LRRC8D: variants seen among roughly 807,000 people sequenced by gnomAD.
LRRC8D encodes the protein volume-regulated anion channel subunit LRRC8D.
LRRC8D carries 20 observed loss-of-function variants against 55.8 expected under a neutral mutation model. That is an observed-to-expected ratio of 0.36 (90% confidence interval 0.25 to 0.52). LRRC8D has a LOEUF of 0.52. Ranked by LOEUF, LRRC8D falls within the 20% of genes least tolerant of loss-of-function variation. LRRC8D has a pLI of 0.93. For synonymous variants in LRRC8D, 352 were observed against 377.0 expected, an observed-to-expected ratio of 0.93 and a Z score of 0.77; for missense variants, 651 against 1,030.8, an observed-to-expected ratio of 0.63 and a Z score of 5.05.
intron 2 of LRRC8D, among the ~76,000 whole-genome samples, chr1:89,898,167 T>C (rs1051815475): frequency 2.6e-5 from 4 of 152,166 alleles, no homozygotes; most frequent in African/African-American, 9.7e-5. Context: ...TAAGCAGTCA[T>C]TGGTATACTG....
chr1:89,922,124 G>C (rs544100736), intron 2 of LRRC8D, among the ~76,000 whole-genome samples: 35 of 151,954 alleles, frequency 2.3e-4, no homozygotes, highest in Non-Finnish European at 4.3e-4. Flanking sequence ...GGTGCAGTGG[G>C]GCGATCTTGG....
Position 89,843,411 on chromosome 1 carries a change from G to A in LRRC8D, c.-147-227G>A, listed in dbSNP as rs545333915. 8.3e-5 allele frequency: 28 copies of A among 338,652 alleles called. 1 individual carries two copies. In the South Asian group the frequency reaches 3.5e-3, roughly 42 times the overall value. 21.0% of individuals were successfully genotyped at this position (338,652 alleles called of 1,614,324 possible). A position where few individuals can be genotyped will look rare whatever the true frequency, so the allele number is the denominator to read the frequency against. ...AGCGGGCGGGCGGGTGGCTGGCAGC[G>A]AGGCCACCAGCAGGGGGGGCCCGGG... is the stretch of plus-strand genomic sequence containing the variant. On this transcript the variant is annotated intron_variant, in intron 1 of 2. Coordinates refer to ENST00000337338, the MANE Select transcript of LRRC8D (RefSeq NM_001134479.2).
intron 1 of LRRC8D, among the ~76,000 whole-genome samples, chr1:89,837,698 G>A (rs2154324): frequency 0.93 from 141,502 of 152,282 alleles, 66,611 homozygotes; most frequent in East Asian, 1. Context: ...TTAAACTAGG[G>A]TTAGTTAAAA....
chr1:89,851,420 A>G (rs1371226570), intron 2 of LRRC8D, among the ~76,000 whole-genome samples: 2 of 151,918 alleles, frequency 1.3e-5, no homozygotes, highest in East Asian at 3.9e-4. Flanking sequence ...TCTGCAATTT[A>G]TGTCACACTG....
intron 2 of LRRC8D, among the ~76,000 whole-genome samples, chr1:89,852,664 G>A (rs1661448753): frequency 1.3e-5 from 2 of 152,322 alleles, no homozygotes; most frequent in Middle Eastern, 3.4e-3. Context: ...ATAGAAGGGA[G>A]TGTTTTGTTC....
chr1:89,885,473 A>G (rs1042672564), intron 2 of LRRC8D, among the ~76,000 whole-genome samples: 1 of 152,218 alleles, frequency 6.6e-6, no homozygotes, highest in Non-Finnish European at 1.5e-5. Flanking sequence ...CGCCTTGACA[A>G]TTAATATCCT....
intron 2 of LRRC8D, among the ~76,000 whole-genome samples, chr1:89,862,645 TA>T (rs2100799806): frequency 6.6e-6 from 1 of 152,326 alleles, no homozygotes; most frequent in East Asian, 1.9e-4. Context: ...TGTCAGATGA[TA>T]AAAAGAGGCT....
At chr1:89,897,043 A>T (rs189730810) in intron 2 of LRRC8D, among the ~76,000 whole-genome samples, 380 of 152,330 alleles carry the variant, frequency 2.5e-3, no homozygotes, top group Non-Finnish European at 4.4e-3. Flanking sequence ...AAGTCAGCAG[A>T]GTGTATTAGA....
intron 1 of LRRC8D, among the ~76,000 whole-genome samples, chr1:89,832,914 TTTAC>T (rs1165057701): frequency 6.6e-6 from 1 of 152,204 alleles, no homozygotes; most frequent in Non-Finnish European, 1.5e-5. Context: ...TATTAGCTCA[TTTAC>T]TTCTGACAAC....
intron 2 of LRRC8D, among the ~76,000 whole-genome samples, chr1:89,845,460 G>A (rs377196985): frequency 2.0e-5 from 3 of 152,098 alleles, no homozygotes; most frequent in Admixed American, 6.5e-5. Context: ...ATTTTGAGAC[G>A]GTTTTTCATT....
chr1:89,868,879 C>T (rs1012768851), intron 2 of LRRC8D, among the ~76,000 whole-genome samples: 1 of 152,038 alleles, frequency 6.6e-6, no homozygotes, highest in Non-Finnish European at 1.5e-5. Context: ...AGTATTGACA[C>T]TGTATTTTTT....
chr1:89,931,727 C>A (rs1390936388), intron 2 of LRRC8D, among the ~76,000 whole-genome samples: 1 of 151,994 alleles, frequency 6.6e-6, no homozygotes, highest in African/African-American at 2.4e-5. Flanking sequence ...CCACTGCACT[C>A]TAGCCTGGGT....
At position 89,827,082 on chromosome 1, in the gene LRRC8D, G is replaced by A. The variant is rs148570879; in HGVS notation, c.-148+5791G>A. Among the ~76,000 whole-genome samples, 123 of 152,240 alleles carry A rather than the reference G, an allele frequency of 8.1e-4. 1 individual carries two copies. Among genetic ancestry groups the A allele is most frequent in the African/African-American group, 2.8e-3 (115 of 41,530 alleles). ...AAAAGATTTTGGGGCTGGGCATGGTGGCTCAGGCCTGTAATCCCAGCAGTT... is the reference window on the plus strand; with the variant it reads ...AAAAGATTTTGGGGCTGGGCATGGTAGCTCAGGCCTGTAATCCCAGCAGTT... On this transcript the variant is annotated intron_variant, in intron 1 of 2. Transcript: ENST00000337338.
At chr1:89,928,610 G>T (rs945807805) in intron 2 of LRRC8D, among the ~76,000 whole-genome samples, 1 of 152,096 alleles carries the variant, frequency 6.6e-6, no homozygotes, top group African/African-American at 2.4e-5. Context: ...CCATTCTTGC[G>T]GGGAGTCTGG....
chr1:89,903,752 T>C (rs1172795163), intron 2 of LRRC8D, among the ~76,000 whole-genome samples: 1 of 152,230 alleles, frequency 6.6e-6, no homozygotes, highest in Non-Finnish European at 1.5e-5. Context: ...CTGATGTTCA[T>C]AACTAGCAAT....
chr1:89,853,571 C>T (rs12046264), intron 2 of LRRC8D, among the ~76,000 whole-genome samples: 19,160 of 152,176 alleles, frequency 0.13, 1,615 homozygotes, highest in East Asian at 0.35. Flanking sequence ...ACAATTCTTA[C>T]AACAATCTCC....
chr1:89,858,686 T>A (rs201861055), intron 2 of LRRC8D, among the ~76,000 whole-genome samples: 1 of 141,856 alleles, frequency 7.0e-6, no homozygotes, highest in Admixed American at 7.1e-5. Flanking sequence ...TTTTTTTTTT[T>A]CCTTCCTTAC....
rs111481900 is a variant in LRRC8D at position 89,928,092 on chromosome 1, G to A, written c.-2-4975G>A. On this transcript the variant is annotated intron_variant, in intron 2 of 2. Coordinates refer to ENST00000337338, the MANE Select transcript of LRRC8D (RefSeq NM_001134479.2). ...CAGATTTTGTTTTTGTTTTTGAGAC[G>A]GGAGTCTTGCTCTGTTTCCCAGGCT... 6.1e-3 allele frequency among the ~76,000 whole-genome samples: 926 copies of A among 152,222 alleles called. 8 individuals are homozygous for A. The highest frequency in any genetic ancestry group is 0.021 in the African/African-American group (889 of 41,518).
intron 2 of LRRC8D, among the ~76,000 whole-genome samples, chr1:89,879,953 T>G (rs1365758153): frequency 6.6e-6 from 1 of 152,116 alleles, no homozygotes; most frequent in Non-Finnish European, 1.5e-5. Context: ...GCCATTTAAT[T>G]CTTCCTGGAG....
Sources: allele counts gnomAD v4.1 joint callset (sites outside exome capture counted in the v4.1 genomes callset), GRCh38; gene constraint gnomAD v4.1.1; transcripts MANE v1.5; gene names NCBI Gene and HGNC (gene_info 2026-07-23, HGNC 2026-07-21).